Variants in PYGL observed in about 807,000 individuals in gnomAD.
PYGL encodes the protein glycogen phosphorylase L.
A neutral mutation model predicts 100.1 loss-of-function variants in PYGL; 90 were observed. The observed-to-expected ratio is 0.90, with a 90% confidence interval of 0.76 to 1.07. PYGL has a LOEUF of 1.07. PYGL is among the 50% of genes least tolerant of loss of function. The probability of loss-of-function intolerance (pLI) is 0.00; values close to 1 mark genes in which losing one functional copy is unlikely to be tolerated. For missense variants in PYGL, 1,016 were observed against 1,057.6 expected (o/e 0.96, Z 0.55); for synonymous variants, 373 against 393.0 (o/e 0.95, Z 0.60).
chr14:50,939,906 A>T (rs1566515583), intron 1 of PYGL, among the ~76,000 whole-genome samples: 1 of 152,234 alleles, frequency 6.6e-6, no homozygotes, highest in African/African-American at 2.4e-5. Flanking sequence ...TGGAAATTTC[A>T]TTCTTTCCCA....
At chr14:50,906,802 T>C (rs1438625085) in intron 19 of PYGL, among the ~76,000 whole-genome samples, 1 of 152,248 alleles carries the variant, frequency 6.6e-6, no homozygotes, top group African/African-American at 2.4e-5. Context: ...GCCCTGCTTG[T>C]TTGTAGCCAT....
chr14:50,935,946 T>C (rs967552919), intron 2 of PYGL, among the ~76,000 whole-genome samples: 9 of 152,354 alleles, frequency 5.9e-5, no homozygotes, highest in African/African-American at 2.2e-4. Flanking sequence ...CCAAATAGCA[T>C]CTGTGAACTT....
rs769137914 is a variant in PYGL at position 50,908,333 on chromosome 14, T to C, written c.2317A>G (p.Lys773Glu). The C allele has an allele frequency of 1.9e-6, 3 of 1,594,894 alleles. No homozygotes were observed. The highest frequency in any genetic ancestry group is 1.7e-6 in the Non-Finnish European group (2 of 1,162,440). ...TAGGCTTCGTAGTCTGCAAAGACTT[T>C]AAACCTTTTATTTTGTGAGTGGAAG... ...INMLFYHDRF[K>E]VFADYEAYVK... The change falls in exon 19 of 20, where the codon AAA becomes GAA. Residue 773 changes from lysine (K) to glutamate (E), a missense_variant. Physicochemically the swap from Lys to Glu is moderately conservative, Grantham distance 56 (BLOSUM62 1). Transcript: ENST00000216392.
intron 3 of PYGL, among the ~76,000 whole-genome samples, chr14:50,934,622 A>AT (rs1273454445): frequency 6.6e-6 from 1 of 152,106 alleles, no homozygotes; most frequent in Non-Finnish European, 1.5e-5. Context: ...TCTGGAAGAT[A>AT]TATATTCCAG....
chr14:50,921,397 T>A, intron 5 of PYGL: 1 of 238,270 alleles, frequency 4.2e-6, no homozygotes, highest in Non-Finnish European at 8.3e-6. Flanking sequence ...AAAAAGTTTA[T>A]CTTTTTTTTT....
chr14:50,918,568 C>A (rs1464196448), intron 7 of PYGL, among the ~76,000 whole-genome samples: 1 of 152,172 alleles, frequency 6.6e-6, no homozygotes, highest in East Asian at 1.9e-4. Context: ...AGTGAAGTAA[C>A]TCAGGAATGG....
chr14:50,924,460 TGTC>T (rs1223390584), intron 4 of PYGL, among the ~76,000 whole-genome samples: 15 of 152,312 alleles, frequency 9.8e-5, no homozygotes, highest in Middle Eastern at 3.4e-3. Flanking sequence ...TGAATCCAAT[TGTC>T]CAGCTTCAGC....
chr14:50,921,246 G>A (rs2050498481), intron 5 of PYGL, 179 bp from the exon 6 acceptor site: 2 of 603,226 alleles, frequency 3.3e-6, no homozygotes, highest in South Asian at 1.9e-5. Context: ...AGGAACATGT[G>A]GTTCCTCCCC....
intron 3 of PYGL, among the ~76,000 whole-genome samples, 162 bp from the exon 4 acceptor site, chr14:50,931,938 A>G (rs1485328113): frequency 1.3e-5 from 2 of 152,246 alleles, no homozygotes; most frequent in African/African-American, 4.8e-5. Context: ...TTGATTTTTA[A>G]AAATAACTCA....
chr14:50,920,988 G>A lies in PYGL; in HGVS notation c.740C>T (p.Ala247Val). ...GAGGTTAAAGTCATTTGGTGCCCGA[G>A]CAGACCAGAGGCGCATGGTGTTGAC... is the stretch of plus-strand genomic sequence containing the variant. Reference protein sequence around the residue: ...NTVNTMRLWSARAPNDFNLRD... With the variant: ...NTVNTMRLWSVRAPNDFNLRD... Residue 247 changes from alanine to valine, a missense_variant, in exon 6 of 20, where the codon GCT (alanine) becomes GTT (valine). By Grantham distance (64) the Ala-to-Val change is moderately conservative (BLOSUM62 0). Transcript: ENST00000216392. 6.2e-7 allele frequency: 1 copy of A among 1,614,204 alleles called. No homozygotes were observed. The highest frequency in any genetic ancestry group is 8.5e-7 in the Non-Finnish European group (1 of 1,180,006).
rs564310807 is a variant in PYGL, at chr14:50,943,904, CA to C, written c.243+256del. On this transcript the variant is annotated intron_variant, in intron 1 of 19. Coordinates refer to ENST00000216392, the MANE Select transcript of PYGL (RefSeq NM_002863.5). ...GGGCTTTTGCCCACCTGGCGGTTTC[CA>C]GGGGCGGACGGCACAGTGGTTTGGG... Among the ~76,000 whole-genome samples, 458 of 152,348 alleles carry C rather than the reference CA, an allele frequency of 3.0e-3. 3 individuals carry two copies. The highest frequency in any genetic ancestry group is 5.0e-3 in the Non-Finnish European group (338 of 68,030).
At chr14:50,932,527 G>C (rs1417618928) in intron 3 of PYGL, among the ~76,000 whole-genome samples, 2 of 152,196 alleles carry the variant, frequency 1.3e-5, no homozygotes, top group East Asian at 3.8e-4. Context: ...AAGGACCAGA[G>C]ACCTGGAGTC....
chr14:50,925,084 C>G (rs1255209387), intron 4 of PYGL, among the ~76,000 whole-genome samples: 3 of 152,158 alleles, frequency 2.0e-5, no homozygotes, highest in Non-Finnish European at 4.4e-5. Flanking sequence ...TTACACAAAC[C>G]CAGATGGTGC....
intron 3 of PYGL, among the ~76,000 whole-genome samples, chr14:50,933,537 A>G (rs1003501634): frequency 3.9e-5 from 6 of 152,178 alleles, no homozygotes; most frequent in Admixed American, 6.5e-5. Flanking sequence ...GTGGTAGTAC[A>G]TTTTTATTAT....
At position 50,944,185 on chromosome 14, in the gene PYGL, C is replaced by T. The variant is rs755663173; in HGVS notation, c.219G>A (p.Gln73=). 1.2e-4 allele frequency: 186 copies of T among 1,608,964 alleles called. No homozygotes were observed. The highest frequency in any genetic ancestry group is 1.5e-4 in the Non-Finnish European group (174 of 1,179,662). Residue 73 remains glutamine (Q), a synonymous_variant, in exon 1 of 20, where the codon CAG becomes CAA. Coordinates refer to ENST00000216392, the MANE Select transcript of PYGL (RefSeq NM_002863.5). ...HLVGRWIRTQ[Q]HYYDKCPKRV... ...CCTTGGGGCACTTGTCGTAGTAGTG[C>T]TGCTGCGTGCGGATCCAGCGCCCCA...
At chr14:50,918,448 CCAA>C (rs1017936119) in intron 7 of PYGL, among the ~76,000 whole-genome samples, 5 of 152,254 alleles carry the variant, frequency 3.3e-5, no homozygotes, top group Admixed American at 1.3e-4. Context: ...CGCCCATCAA[CCAA>C]CAACAATATG....
At chr14:50,922,821 C>A (rs376408882) in intron 5 of PYGL, among the ~76,000 whole-genome samples, 2 of 152,180 alleles carry the variant, frequency 1.3e-5, no homozygotes, top group African/African-American at 2.4e-5. Flanking sequence ...CAGTCTGAAG[C>A]CTTCCCACCT....
intron 3 of PYGL, 66 bp downstream of exon 3, chr14:50,935,041 T>C: frequency 1.4e-6 from 2 of 1,419,862 alleles, no homozygotes. Flanking sequence ...GCAAGCATGG[T>C]CATGCATGGC....
chr14:50,939,319 G>A (rs982060768), intron 1 of PYGL, among the ~76,000 whole-genome samples: 1 of 152,226 alleles, frequency 6.6e-6, no homozygotes, highest in Non-Finnish European at 1.5e-5. Context: ...TTACAGGCGT[G>A]AGCCAAGCGC....
Sources: gnomAD v4.1 joint callset for allele counts (sites outside exome capture counted in the v4.1 genomes callset) on GRCh38, gnomAD v4.1.1 for gene constraint, MANE v1.5 for transcripts, NCBI Gene and HGNC (gene_info 2026-07-23, HGNC 2026-07-21) for gene names.